Variants in NXPH1 observed in about 807,000 individuals in gnomAD.
NXPH1 encodes the protein neurexophilin-1.
Under a neutral mutation model 23.7 loss-of-function variants are expected in NXPH1, and 5 were observed. The ratio of observed to expected loss-of-function variants is 0.21; its 90% CI spans 0.11 to 0.44. NXPH1 has a LOEUF of 0.44. Ranked by LOEUF, NXPH1 falls within the 20% of genes least tolerant of loss-of-function variation. The pLI is 0.99. For synonymous variants in NXPH1, 144 were observed against 122.2 expected, an observed-to-expected ratio of 1.18 and a Z score of -1.18; for missense variants, 324 against 321.6, an observed-to-expected ratio of 1.01 and a Z score of -0.06.
chr7:8,625,198 C>G (rs545081277), intron 2 of NXPH1, among the ~76,000 whole-genome samples: 3 of 152,056 alleles, frequency 2.0e-5, no homozygotes, highest in Non-Finnish European at 2.9e-5. Flanking sequence ...TCAATAGATA[C>G]ATCCATATAG....
intron 2 of NXPH1, among the ~76,000 whole-genome samples, chr7:8,744,039 C>G (rs1780426186): frequency 6.6e-6 from 1 of 152,158 alleles, no homozygotes; most frequent in African/African-American, 2.4e-5. Flanking sequence ...GTGGTTTTTT[C>G]TCTCTAGCCC....
chr7:8,541,722 T>G (rs933837613), intron 2 of NXPH1, among the ~76,000 whole-genome samples: 1 of 151,408 alleles, frequency 6.6e-6, no homozygotes, highest in Non-Finnish European at 1.5e-5. Flanking sequence ...AAAGCACAAA[T>G]GCCAGAAGGG....
chr7:8,576,778 T>A (rs1232370266), intron 2 of NXPH1, among the ~76,000 whole-genome samples: 2 of 152,162 alleles, frequency 1.3e-5, no homozygotes, highest in Non-Finnish European at 2.9e-5. Context: ...CTTGTACTGA[T>A]GATGGTTGTT....
intron 2 of NXPH1, among the ~76,000 whole-genome samples, chr7:8,449,798 T>C (rs919146898): frequency 7.9e-5 from 12 of 152,232 alleles, no homozygotes; most frequent in African/African-American, 2.7e-4. Context: ...CAGATCTTAT[T>C]TGGGGAACTG....
At chr7:8,440,452 G>A (rs1563310762) in intron 2 of NXPH1, among the ~76,000 whole-genome samples, 1 of 152,158 alleles carries the variant, frequency 6.6e-6, no homozygotes, top group South Asian at 2.1e-4. Context: ...GCTCCTCTGT[G>A]CGAAGTTGAT....
chr7:8,515,968 A>T (rs1817680484), intron 2 of NXPH1, among the ~76,000 whole-genome samples: 2 of 152,058 alleles, frequency 1.3e-5, no homozygotes, highest in Admixed American at 1.3e-4. Context: ...TCACACACTC[A>T]TGCATACCTA....
intron 2 of NXPH1, among the ~76,000 whole-genome samples, chr7:8,608,292 G>A (rs1819544828): frequency 6.6e-6 from 1 of 151,592 alleles, no homozygotes; most frequent in Non-Finnish European, 1.5e-5. Flanking sequence ...GAAAGTCCAA[G>A]AATTATTCAT....
intron 2 of NXPH1, among the ~76,000 whole-genome samples, chr7:8,657,909 T>A (rs1169795186): frequency 2.6e-5 from 4 of 152,064 alleles, no homozygotes; most frequent in African/African-American, 9.7e-5. Flanking sequence ...GCACCTGTAA[T>A]CCCAGCTACT....
intron 2 of NXPH1, among the ~76,000 whole-genome samples, chr7:8,448,818 G>GA (rs34098217): frequency 3.7e-3 from 387 of 105,940 alleles, no homozygotes; most frequent in Admixed American, 7.5e-3. Context: ...TCGTCTCGGG[G>GA]AAAAAAAAAA....
chr7:8,601,915 C>A (rs1819371298), intron 2 of NXPH1, among the ~76,000 whole-genome samples: 1 of 152,214 alleles, frequency 6.6e-6, no homozygotes, highest in Admixed American at 6.5e-5. Flanking sequence ...AAAGTCCAGA[C>A]CGAAGACCAA....
At chr7:8,647,588 G>C (rs774860838) in intron 2 of NXPH1, among the ~76,000 whole-genome samples, 3 of 151,972 alleles carry the variant, frequency 2.0e-5, no homozygotes, top group Non-Finnish European at 4.4e-5. Flanking sequence ...ATTCTTTTGT[G>C]TGGTTTTTAT....
intron 2 of NXPH1, among the ~76,000 whole-genome samples, chr7:8,531,432 A>G (rs1176563264): frequency 6.6e-6 from 1 of 152,160 alleles, no homozygotes; most frequent in Non-Finnish European, 1.5e-5. Flanking sequence ...ATCTCTTCCC[A>G]AGTGAGGTGG....
At chr7:8,523,654 T>C (rs1817813038) in intron 2 of NXPH1, among the ~76,000 whole-genome samples, 1 of 152,204 alleles carries the variant, frequency 6.6e-6, no homozygotes, top group African/African-American at 2.4e-5. Flanking sequence ...TAAAGTAATT[T>C]GTACTAAGGA....
intron 2 of NXPH1, among the ~76,000 whole-genome samples, chr7:8,517,432 G>C: frequency 6.6e-6 from 1 of 152,132 alleles, no homozygotes; most frequent in Non-Finnish European, 1.5e-5. Context: ...ATAGAAGCTG[G>C]GGGCACAGTT....
Position 8,523,592 on chromosome 7 carries a change from T to C in NXPH1, c.54+87825T>C, listed in dbSNP as rs1317214462. 1.3e-5 allele frequency among the ~76,000 whole-genome samples: 2 copies of C among 152,216 alleles called. 1 individual carries two copies. Among genetic ancestry groups the C allele is most frequent in the Non-Finnish European group, 2.9e-5 (2 of 68,040 alleles). On this transcript the variant is annotated intron_variant, in intron 2 of 2. Coordinates refer to ENST00000405863, the MANE Select transcript of NXPH1 (RefSeq NM_152745.3). Reference sequence around the variant, plus strand: ...AAGGATTAGATACATTTGGGGAAACTTGGGTTAAGTAATCTTTTTTTCTTT... The same window carrying C: ...AAGGATTAGATACATTTGGGGAAACCTGGGTTAAGTAATCTTTTTTTCTTT...
chr7:8,507,122 G>A (rs1008346835), intron 2 of NXPH1, among the ~76,000 whole-genome samples: 14 of 151,746 alleles, frequency 9.2e-5, no homozygotes, highest in African/African-American at 3.2e-4. Flanking sequence ...CTGGAGAGAG[G>A]TGGGTGCAGA....
At chr7:8,624,147 G>A (rs1309163167) in intron 2 of NXPH1, among the ~76,000 whole-genome samples, 2 of 152,112 alleles carry the variant, frequency 1.3e-5, no homozygotes, top group African/African-American at 2.4e-5. Flanking sequence ...AGCACAGGGT[G>A]AGTTTTTTAA....
At chr7:8,694,307 C>G (rs1039596520) in intron 2 of NXPH1, among the ~76,000 whole-genome samples, 6 of 152,138 alleles carry the variant, frequency 3.9e-5, no homozygotes, top group Non-Finnish European at 7.4e-5. Flanking sequence ...CCCTTGACAC[C>G]CATGTCAGGG....
Position 8,684,557 on chromosome 7 carries a change from G to C in NXPH1, c.55-66451G>C, listed in dbSNP as rs1283959607. Among the ~76,000 whole-genome samples, 3 of 152,154 alleles carry C rather than the reference G, an allele frequency of 2.0e-5. No homozygotes were observed. In the East Asian group the frequency reaches 5.8e-4, roughly 29 times the overall value. ...CTGATACTAAGCACTAACGATCCTG[G>C]ATGTTCAGAGCTTCATGATCGTCTT... On this transcript the variant is annotated intron_variant, in intron 2 of 2. Transcript: ENST00000405863.
Sources: gnomAD v4.1 joint callset for allele counts (sites outside exome capture counted in the v4.1 genomes callset) on GRCh38, gnomAD v4.1.1 for gene constraint, MANE v1.5 for transcripts, NCBI Gene and HGNC (gene_info 2026-07-23, HGNC 2026-07-21) for gene names.